The following CALY variants were observed in gnomAD, a reference collection of about 807,000 sequenced individuals.
The protein encoded by CALY is calcyon neuron specific vesicular protein.
In CALY, 15 loss-of-function variants were observed where a neutral mutation model predicts 20.2. The observed-to-expected ratio is 0.74, with a 90% CI of 0.50 to 1.14. The LOEUF (loss-of-function observed/expected upper bound fraction) is 1.14, where lower values mean the gene tolerates loss of function less well. Ranked by LOEUF, CALY falls within the 50% of genes most tolerant of loss-of-function variation. CALY has a pLI of 0.00. For synonymous variants in CALY, 129 were observed against 131.8 expected, an observed-to-expected ratio of 0.98 and a Z score of 0.15; for missense variants, 270 against 304.4, an observed-to-expected ratio of 0.89 and a Z score of 0.84.
rs1848185667 is a variant in CALY, at chr10:133,325,427, G to A, written c.*168C>T. On this transcript the variant is annotated 3_prime_UTR_variant, in exon 6 of 6. Coordinates refer to ENST00000252939, the MANE Select transcript of CALY (RefSeq NM_015722.4). ...CGCGCAGGAGAGATGGAAGCCTCCGGTGGACGTGAAATCTTTACTTAGAGA... is the reference window on the plus strand; with the variant it reads ...CGCGCAGGAGAGATGGAAGCCTCCGATGGACGTGAAATCTTTACTTAGAGA... 3 of 158,730 alleles carry A rather than the reference G, an allele frequency of 1.9e-5. No homozygotes were observed. The highest frequency in any genetic ancestry group is 2.8e-5 in the Non-Finnish European group (2 of 72,512). The allele number at this position is 158,730 out of a possible 1,614,324, so 9.8% of individuals were successfully genotyped here.
intron 3 of CALY, 190 bp downstream of exon 3, chr10:133,327,715 G>C (rs956010174): frequency 1.5e-6 from 1 of 686,044 alleles, no homozygotes; most frequent in South Asian, 1.5e-5. Flanking sequence ...CTGCAGCCTC[G>C]GGAGGGGGCC....
At chr10:133,328,831 C>T in intron 2 of CALY, 24 bp downstream of exon 2, 6 of 1,534,586 alleles carry the variant, frequency 3.9e-6, no homozygotes, top group Non-Finnish European at 5.3e-6. Context: ...TGAGAAGGGC[C>T]CCCACGCTGG....
intron 1 of CALY, 58 bp from the exon 2 acceptor site, chr10:133,329,067 G>A: frequency 7.0e-7 from 1 of 1,427,556 alleles, no homozygotes; most frequent in South Asian, 1.4e-5. Context: ...GCCCACGCCA[G>A]CTGGCTCTGA....
At chr10:133,329,253 C>T (rs915895403) in intron 1 of CALY, among the ~76,000 whole-genome samples, 2 of 152,244 alleles carry the variant, frequency 1.3e-5, no homozygotes, top group East Asian at 1.9e-4. Context: ...GGTACAGCGC[C>T]CCAACCAGTG....
intron 1 of CALY, among the ~76,000 whole-genome samples, chr10:133,334,925 G>T (rs940237197): frequency 6.6e-6 from 1 of 152,164 alleles, no homozygotes; most frequent in Non-Finnish European, 1.5e-5. Flanking sequence ...CCCACCCCGG[G>T]CTGAAGACTC....
At chr10:133,328,071 C>T in intron 2 of CALY, 56 bp from the exon 3 acceptor site, 1 of 1,032,310 alleles carries the variant, frequency 9.7e-7, no homozygotes. Flanking sequence ...CCCAAGAGAG[C>T]CCTGAACTGA....
chr10:133,329,016 A>C lies in CALY; in HGVS notation c.-20-7T>G. 1 of 1,532,094 alleles carries C rather than the reference A, an allele frequency of 6.5e-7. No individual in the cohort carries two copies. The allele number at this position is 1,532,094 out of a possible 1,614,324, so 94.9% of individuals were successfully genotyped here. ...GTGGATGGCAGTCCTTGTCCTGTCCAAAGACAGACAGAGTCACTGCCCACA... is the reference window on the plus strand; with the variant it reads ...GTGGATGGCAGTCCTTGTCCTGTCCCAAGACAGACAGAGTCACTGCCCACA... On this transcript the variant is annotated splice_region_variant and splice_polypyrimidine_tract_variant and intron_variant, in intron 1 of 5. Coordinates refer to ENST00000252939, the MANE Select transcript of CALY (RefSeq NM_015722.4).
rs1480012067 is a variant in CALY, at chr10:133,325,182, AGCCCC to A, written c.*408_*412del. The A allele has an allele frequency of 6.5e-6, 1 of 153,002 alleles. No homozygotes were observed. The highest frequency in any genetic ancestry group is 2.4e-5 in the African/African-American group (1 of 41,366). 9.5% of individuals were successfully genotyped at this position (153,002 alleles called of 1,614,324 possible). ...CCCGAGGCTCCCCTGGGTGGGCCGG[AGCCCC>A]GCCATTAAGGCACATCCCGGTGGGG... On this transcript the variant is annotated 3_prime_UTR_variant, in exon 6 of 6. Transcript: ENST00000252939.
intron 1 of CALY, among the ~76,000 whole-genome samples, chr10:133,335,077 G>C (rs1458568922): frequency 6.6e-6 from 1 of 152,176 alleles, no homozygotes; most frequent in East Asian, 1.9e-4. Context: ...AGCGATCGGT[G>C]GAAGCAGAGT....
rs1319224460 is a variant in CALY, at chr10:133,325,049, C to A, written c.*546G>T. ...CCAGGGGTCCCCCGGGAGGCAGACA[C>A]TCCTGTCAGAGGGGGAACGCCCGGG... On this transcript the variant is annotated 3_prime_UTR_variant, in exon 6 of 6. Coordinates refer to ENST00000252939, the MANE Select transcript of CALY (RefSeq NM_015722.4). 2 of 155,692 alleles carry A rather than the reference C, an allele frequency of 1.3e-5. No homozygotes were observed. Among genetic ancestry groups the A allele is most frequent in the South Asian group, 1.9e-4 (1 of 5,174 alleles). 9.6% of individuals were successfully genotyped at this position (155,692 alleles called of 1,614,324 possible).
Position 133,325,983 on chromosome 10 carries a change from C to T in CALY, c.498G>A (p.Gly166=). The T allele has an allele frequency of 1.3e-6, 2 of 1,553,738 alleles. No homozygotes were observed. The highest frequency in any genetic ancestry group is 8.7e-7 in the Non-Finnish European group (1 of 1,148,682). ...CCTCCTTGGCTGCGCGGTAGCCGTC[C>T]CCCCAGGCCGCCGGCGTCTCCGTGC... ...KHGTETPAAW[G]DGYRAAKEER... The change falls in exon 5 of 6, where the codon GGG becomes GGA. Residue 166 remains glycine, a synonymous_variant. Transcript: ENST00000252939.
chr10:133,327,317 G>A (rs1848230622), intron 3 of CALY: 11 of 492,942 alleles, frequency 2.2e-5, no homozygotes, highest in South Asian at 1.3e-4. Flanking sequence ...GGATGGGGCC[G>A]CAGCCTCAGG....
At chr10:133,326,797 G>A (rs1010959077) in intron 4 of CALY, 81 bp downstream of exon 4, 9 of 855,044 alleles carry the variant, frequency 1.1e-5, no homozygotes, top group African/African-American at 5.0e-5. Context: ...AGCAGCAGGA[G>A]ACACCCCTGC....
Position 133,328,837 on chromosome 10 carries a change from G to A in CALY, c.135+18C>T, listed in dbSNP as rs375019333. ...AGGGGAGCCTGAGAAGGGCCCCCAC[G>A]CTGGCCCAGGCCCTCACCTGGTCAG... On this transcript the variant is annotated intron_variant, in intron 2 of 5. Coordinates refer to ENST00000252939, the MANE Select transcript of CALY (RefSeq NM_015722.4). 1,138 of 1,538,110 alleles carry A rather than the reference G, an allele frequency of 7.4e-4. 2 individuals carry two copies. Among genetic ancestry groups the A allele is most frequent in the Non-Finnish European group, 8.7e-4 (998 of 1,142,342 alleles).
intron 1 of CALY, among the ~76,000 whole-genome samples, chr10:133,333,291 G>GT (rs1491553930): frequency 2.8e-5 from 1 of 35,460 alleles, no homozygotes; most frequent in Non-Finnish European, 6.4e-5. Flanking sequence ...GATTGAGGGG[G>GT]TGGGGGGGGG....
At chr10:133,327,745 G>A (rs554258567) in intron 3 of CALY, 160 bp downstream of exon 3, 80 of 714,554 alleles carry the variant, frequency 1.1e-4, no homozygotes, top group African/African-American at 6.6e-4. Context: ...CAGGGCAGCC[G>A]GTGGGGCCAG....
At chr10:133,334,609 G>A (rs538239908) in intron 1 of CALY, among the ~76,000 whole-genome samples, 2 of 149,588 alleles carry the variant, frequency 1.3e-5, no homozygotes, top group South Asian at 2.1e-4. Flanking sequence ...AGGGGCGAAG[G>A]ATCTGAAGGG....
At chr10:133,326,189 C>A (rs1848206298) in intron 4 of CALY, 69 bp from the exon 5 acceptor site, 2 of 1,560,546 alleles carry the variant, frequency 1.3e-6, no homozygotes, top group Admixed American at 1.9e-5. Context: ...CAGGCCCTCC[C>A]GCTTCTGCGG....
chr10:133,333,760 GGA>G (rs1848365793), intron 1 of CALY, among the ~76,000 whole-genome samples: 1 of 9,900 alleles, frequency 1.0e-4, no homozygotes, highest in Non-Finnish European at 1.9e-4. Flanking sequence ...CTCTGAGGGG[GGA>G]AGGATCTGAG....
Sources: gnomAD v4.1 joint callset for allele counts (sites outside exome capture counted in the v4.1 genomes callset) on GRCh38, gnomAD v4.1.1 for gene constraint, MANE v1.5 for transcripts, NCBI Gene and HGNC (gene_info 2026-07-23, HGNC 2026-07-21) for gene names.